The following MTHFS variants were observed in gnomAD, a reference collection of about 807,000 sequenced individuals.
The protein encoded by MTHFS is 5-formyltetrahydrofolate cyclo-ligase.
A neutral mutation model predicts 12.7 loss-of-function variants in MTHFS; 7 were observed. That is an observed-to-expected ratio of 0.55 (90% CI 0.31 to 1.03). MTHFS has a LOEUF of 1.03. MTHFS is among the 50% of genes least tolerant of loss of function. MTHFS has a pLI of 0.05. For synonymous variants in MTHFS, 100 were observed against 97.1 expected, an observed-to-expected ratio of 1.03 and a Z score of -0.18; for missense variants, 252 against 258.1, an observed-to-expected ratio of 0.98 and a Z score of 0.16.
rs564297097 is a variant in MTHFS, at chr15:79,865,659, C to G, written c.380-20217G>C. ...CCACCTCAGCCCTCATCCCTGCTTA[C>G]CCTCAGCAGTGTGCTAGGCAAAATG... On this transcript the variant is annotated intron_variant, in intron 2 of 2. Transcript: ENST00000258874. 7.9e-5 allele frequency among the ~76,000 whole-genome samples: 12 copies of G among 152,254 alleles called. No homozygotes were observed. In the South Asian group the frequency reaches 2.5e-3, roughly 32 times the overall value.
At position 79,854,840 on chromosome 15, in the gene MTHFS, A is replaced by G. The variant is rs187092515; in HGVS notation, c.380-9398T>C. 7.2e-5 allele frequency among the ~76,000 whole-genome samples: 11 copies of G among 152,328 alleles called. No homozygotes were observed. In the East Asian group the frequency reaches 2.1e-3, roughly 29 times the overall value. The stretch of plus-strand genomic sequence containing the variant: ...GTAATTTGATTTACATTATTTTCTT[A>G]ATCAACATCATCATCACCATCACCA... On this transcript the variant is annotated intron_variant, in intron 2 of 2. Coordinates refer to ENST00000258874, the MANE Select transcript of MTHFS (RefSeq NM_006441.4).
chr15:79,857,993 G>A (rs2033840555), intron 2 of MTHFS, among the ~76,000 whole-genome samples: 1 of 134,728 alleles, frequency 7.4e-6, no homozygotes, highest in Non-Finnish European at 1.5e-5. Flanking sequence ...TCCAGCCTGG[G>A]TGACAGAGCG....
chr15:79,852,921 T>C (rs2033741288), intron 2 of MTHFS, among the ~76,000 whole-genome samples: 1 of 152,206 alleles, frequency 6.6e-6, no homozygotes, highest in South Asian at 2.1e-4. Flanking sequence ...TTTAGACTCT[T>C]CTAAGTAAAG....
At chr15:79,877,267 T>A (rs1691926890) in intron 2 of MTHFS, 1 of 151,414 alleles carries the variant, frequency 6.6e-6, no homozygotes, top group South Asian at 2.1e-4. Flanking sequence ...GGAATAAGAG[T>A]CCTAGAAGGA....
chr15:79,855,956 T>A (rs919342186), intron 2 of MTHFS, among the ~76,000 whole-genome samples: 1 of 152,236 alleles, frequency 6.6e-6, no homozygotes, highest in African/African-American at 2.4e-5. Context: ...TTTGCTATTA[T>A]GAATAGTCCT....
chr15:79,884,402 A>C (rs979204954), intron 2 of MTHFS, among the ~76,000 whole-genome samples: 1 of 152,216 alleles, frequency 6.6e-6, no homozygotes, highest in Non-Finnish European at 1.5e-5. Context: ...AGCAGGAACC[A>C]TTGTTTGCCC....
At chr15:79,892,359 T>C (rs2034489183) in intron 1 of MTHFS, among the ~76,000 whole-genome samples, 1 of 152,160 alleles carries the variant, frequency 6.6e-6, no homozygotes, top group South Asian at 2.1e-4. Flanking sequence ...TGGATTTATT[T>C]TAACAGACGA....
At chr15:79,845,823 G>A (rs2033604037) in intron 2 of MTHFS, among the ~76,000 whole-genome samples, 1 of 152,112 alleles carries the variant, frequency 6.6e-6, no homozygotes, top group Non-Finnish European at 1.5e-5. Flanking sequence ...TTGGAGGGCG[G>A]GAAACAGTCA....
At chr15:79,875,759 ACCAT>A (rs1365910796) in intron 2 of MTHFS, among the ~76,000 whole-genome samples, 1 of 152,172 alleles carries the variant, frequency 6.6e-6, no homozygotes, top group Non-Finnish European at 1.5e-5. Context: ...TTCAAAGTTC[ACCAT>A]CAAGAGAGTG....
intron 2 of MTHFS, among the ~76,000 whole-genome samples, chr15:79,879,939 A>G (rs1381472816): frequency 6.6e-6 from 1 of 152,232 alleles, no homozygotes; most frequent in Non-Finnish European, 1.5e-5. Context: ...AAATTTTTAC[A>G]GTGGATTTGA....
intron 1 of MTHFS, among the ~76,000 whole-genome samples, chr15:79,891,203 C>G (rs2034466435): frequency 6.6e-6 from 1 of 152,168 alleles, no homozygotes; most frequent in South Asian, 2.1e-4. Context: ...AGGCAGAATC[C>G]ACTCCTCCCT....
Position 79,858,248 on chromosome 15 carries a change from A to G in MTHFS, c.380-12806T>C, listed in dbSNP as rs533570328. Among the ~76,000 whole-genome samples, 5 of 152,248 alleles carry G rather than the reference A, an allele frequency of 3.3e-5. No homozygotes were observed. The East Asian group carries it at 5.8e-4, about 18-fold the overall frequency. ...TGGTCAGCTAAAAATGCATCTAATC[A>G]GTTGTCTGTAAAGAGATTATTAAAT... On this transcript the variant is annotated intron_variant, in intron 2 of 2. Transcript: ENST00000258874.
chr15:79,867,079 A>T (rs1427819342), intron 2 of MTHFS, among the ~76,000 whole-genome samples: 1 of 152,030 alleles, frequency 6.6e-6, no homozygotes, highest in Non-Finnish European at 1.5e-5. Flanking sequence ...ATTTTCCCCC[A>T]TTCTCCAGCC....
chr15:79,847,584 T>A (rs2033640334), intron 2 of MTHFS, among the ~76,000 whole-genome samples: 1 of 146,374 alleles, frequency 6.8e-6, no homozygotes. Flanking sequence ...CTCGGGAGGC[T>A]GAGACAGGAG....
rs1166261014 is a variant in MTHFS, at chr15:79,844,741, G to GATA, written c.*466_*468dup. Among the ~76,000 whole-genome samples the GATA allele has an allele frequency of 6.6e-6, 1 of 152,164 alleles. No homozygotes were observed. The highest frequency in any genetic ancestry group is 1.5e-5 in the Non-Finnish European group (1 of 68,034). On this transcript the variant is annotated 3_prime_UTR_variant, in exon 3 of 3. Coordinates refer to ENST00000258874, the MANE Select transcript of MTHFS (RefSeq NM_006441.4). ...GGTAAAGGAAGTCATGATGAAGTGA[G>GATA]ATAATATTCTTAGGGAATTCTGTAT...
intron 2 of MTHFS, among the ~76,000 whole-genome samples, chr15:79,871,886 C>T (rs542531048): frequency 2.0e-5 from 3 of 152,000 alleles, no homozygotes; most frequent in South Asian, 2.1e-4. Flanking sequence ...GCATGGATCA[C>T]GAGGTCGGGA....
At chr15:79,897,113 C>A (rs1489948074), upstream of MTHFS, 10 of 859,424 alleles carry the variant, frequency 1.2e-5, no homozygotes, top group African/African-American at 1.8e-5. Context: ...GGGGAAGCGC[C>A]CCCACCCCGC....
At chr15:79,859,832 A>AC (rs2033879841) in intron 2 of MTHFS, among the ~76,000 whole-genome samples, 1 of 151,782 alleles carries the variant, frequency 6.6e-6, no homozygotes, top group Non-Finnish European at 1.5e-5. Flanking sequence ...AAAAAAAAAA[A>AC]AAAAAACCCT....
chr15:79,856,434 T>C (rs1419535660), intron 2 of MTHFS, among the ~76,000 whole-genome samples: 1 of 152,242 alleles, frequency 6.6e-6, no homozygotes, highest in Non-Finnish European at 1.5e-5. Context: ...CAAAGCTTAG[T>C]GACTCTGAGA....
Sources: gnomAD v4.1 joint callset for allele counts (sites outside exome capture counted in the v4.1 genomes callset) on GRCh38, gnomAD v4.1.1 for gene constraint, MANE v1.5 for transcripts, NCBI Gene and HGNC (gene_info 2026-07-23, HGNC 2026-07-21) for gene names.